CDH12: variants seen among roughly 807,000 people sequenced by gnomAD.
The protein encoded by CDH12 is cadherin-12.
A neutral mutation model predicts 74.1 loss-of-function variants in CDH12; 41 were observed. The observed-to-expected ratio is 0.55, with a 90% confidence interval of 0.43 to 0.72. CDH12 has a LOEUF of 0.72. Among genes scored for constraint, CDH12 ranks in the 30% least tolerant of loss-of-function variants. CDH12 has a pLI of 0.00. For missense variants in CDH12, 945 were observed against 977.2 expected (o/e 0.97, Z 0.44); for synonymous variants, 399 against 355.0 (o/e 1.12, Z -1.39).
At chr5:22,286,297 T>A (rs1737131196) in intron 3 of CDH12, among the ~76,000 whole-genome samples, 1 of 152,188 alleles carries the variant, frequency 6.6e-6, no homozygotes, top group African/African-American at 2.4e-5. Context: ...TGCAATAATT[T>A]TCTCTCTTCA....
At chr5:22,327,904 G>A (rs566070034) in intron 3 of CDH12, among the ~76,000 whole-genome samples, 1 of 152,152 alleles carries the variant, frequency 6.6e-6, no homozygotes, top group African/African-American at 2.4e-5. Flanking sequence ...ATATGCTTAT[G>A]TAATAAATGT....
chr5:22,661,635 G>T (rs1294546680), intron 1 of CDH12, among the ~76,000 whole-genome samples: 1 of 151,998 alleles, frequency 6.6e-6, no homozygotes, highest in African/African-American at 2.4e-5. Context: ...AATCCTGAAA[G>T]ATTTTGCTTT....
intron 1 of CDH12, among the ~76,000 whole-genome samples, chr5:22,708,129 T>C (rs995252915): frequency 2.0e-5 from 3 of 152,228 alleles, no homozygotes; most frequent in Admixed American, 1.3e-4. Flanking sequence ...AATGCAAAAA[T>C]ATATTATCAA....
At chr5:22,266,166 C>T (rs576813301) in intron 3 of CDH12, among the ~76,000 whole-genome samples, 1 of 152,042 alleles carries the variant, frequency 6.6e-6, no homozygotes, top group South Asian at 2.1e-4. Context: ...ACCTCCGCCT[C>T]CCAGGTTCAA....
intron 1 of CDH12, among the ~76,000 whole-genome samples, chr5:22,765,708 A>T (rs1177261694): frequency 6.6e-6 from 1 of 151,840 alleles, no homozygotes; most frequent in South Asian, 2.1e-4. Context: ...TTGCTATTGC[A>T]TGCCTCTCAA....
chr5:22,392,112 T>C (rs1742273710), intron 3 of CDH12, among the ~76,000 whole-genome samples: 1 of 152,186 alleles, frequency 6.6e-6, no homozygotes, highest in Admixed American at 6.5e-5. Context: ...CCCCTTCCTT[T>C]GGTATGACCC....
Position 21,817,018 on chromosome 5 carries a change from G to A in CDH12, c.929C>T (p.Pro310Leu). The stretch of plus-strand genomic sequence containing the variant: ...GTCAAACAAATTTCCCCCATCTCCT[G>A]GAACAATATTGTATTCAATTTCTGC... ...QNAEIEYNIV[P>L]GDGGNLFDIV... Residue 310 changes from proline (P) to leucine (L), a missense_variant, in exon 9 of 15, where the codon CCA (proline) becomes CTA (leucine). Coordinates refer to ENST00000382254, the MANE Select transcript of CDH12 (RefSeq NM_004061.5). The A allele has an allele frequency of 1.2e-6, 2 of 1,612,302 alleles. No individual in the cohort carries two copies. The highest frequency in any genetic ancestry group is 1.7e-6 in the Non-Finnish European group (2 of 1,178,996).
chr5:21,888,100 G>A (rs1007135876), intron 6 of CDH12, among the ~76,000 whole-genome samples: 2 of 152,132 alleles, frequency 1.3e-5, no homozygotes, highest in African/African-American at 4.8e-5. Context: ...CGGGCCTGGG[G>A]TAGTAACATG....
intron 1 of CDH12, among the ~76,000 whole-genome samples, chr5:22,756,893 A>G (rs2127047033): frequency 6.6e-6 from 1 of 151,940 alleles, no homozygotes; most frequent in African/African-American, 2.4e-5. Flanking sequence ...CGGGAGGCGG[A>G]GGTTGCAGAA....
At chr5:22,466,090 G>T (rs1745716887) in intron 2 of CDH12, among the ~76,000 whole-genome samples, 2 of 152,158 alleles carry the variant, frequency 1.3e-5, no homozygotes, top group African/African-American at 2.4e-5. Context: ...CTAAGTAAGT[G>T]GCCATCTTAC....
chr5:22,127,477 C>T (rs994710945), intron 4 of CDH12, among the ~76,000 whole-genome samples: 2 of 97,330 alleles, frequency 2.1e-5, no homozygotes, highest in Non-Finnish European at 4.1e-5. Flanking sequence ...AACTCCATCT[C>T]GAAAAAAAAA....
chr5:21,771,617 T>C (rs1316953045), intron 11 of CDH12, among the ~76,000 whole-genome samples: 1 of 152,126 alleles, frequency 6.6e-6, no homozygotes, highest in Non-Finnish European at 1.5e-5. Flanking sequence ...ACCAAGGCTC[T>C]TATTATATAG....
At chr5:21,876,279 C>G (rs1354743764) in intron 6 of CDH12, among the ~76,000 whole-genome samples, 1 of 152,104 alleles carries the variant, frequency 6.6e-6, no homozygotes, top group Non-Finnish European at 1.5e-5. Flanking sequence ...TTACTCTTGA[C>G]TCTCCCCCTG....
intron 2 of CDH12, among the ~76,000 whole-genome samples, chr5:22,410,653 A>G (rs1270357093): frequency 2.0e-5 from 3 of 152,086 alleles, no homozygotes; most frequent in Non-Finnish European, 4.4e-5. Context: ...TTTTTCTCTA[A>G]TTAATCTGCC....
chr5:22,024,904 G>A (rs1403462895), intron 5 of CDH12, among the ~76,000 whole-genome samples: 1 of 152,034 alleles, frequency 6.6e-6, no homozygotes, highest in Non-Finnish European at 1.5e-5. Context: ...ACTTTGTGTT[G>A]GGTGTTAATA....
At chr5:22,207,590 T>G (rs1486931190) in intron 4 of CDH12, among the ~76,000 whole-genome samples, 1 of 152,220 alleles carries the variant, frequency 6.6e-6, no homozygotes, top group African/African-American at 2.4e-5. Flanking sequence ...ACTTGTTCAA[T>G]TCCTTTCAAT....
chr5:21,971,596 G>C (rs867408774), intron 6 of CDH12, among the ~76,000 whole-genome samples: 5 of 152,202 alleles, frequency 3.3e-5, no homozygotes, highest in African/African-American at 1.2e-4. Flanking sequence ...GATAATACAA[G>C]TTGAGTATGG....
chr5:22,317,317 C>T (rs1431862097), intron 3 of CDH12, among the ~76,000 whole-genome samples: 1 of 144,228 alleles, frequency 6.9e-6, no homozygotes, highest in Admixed American at 6.9e-5. Flanking sequence ...GTCTCTGTCT[C>T]AAAAAAAAAA....
chr5:22,278,726 T>C (rs990116818), intron 3 of CDH12, among the ~76,000 whole-genome samples: 7 of 152,298 alleles, frequency 4.6e-5, no homozygotes, highest in South Asian at 2.1e-4. Context: ...ATGGATTATG[T>C]CACATTTAGT....
Sources: allele counts gnomAD v4.1 joint callset (sites outside exome capture counted in the v4.1 genomes callset), GRCh38; gene constraint gnomAD v4.1.1; transcripts MANE v1.5; gene names NCBI Gene and HGNC (gene_info 2026-07-23, HGNC 2026-07-21).